Variants in DTNA observed in about 807,000 individuals in gnomAD.
DTNA encodes dystrobrevin alpha, also known as dystrophin-related protein 3.
A neutral mutation model predicts 100.7 loss-of-function variants in DTNA; 43 were observed. That is an observed-to-expected ratio of 0.43 (90% confidence interval 0.33 to 0.55). The LOEUF (loss-of-function observed/expected upper bound fraction) is 0.55. Ranked by LOEUF, DTNA falls within the 20% of genes least tolerant of loss-of-function variation. The probability of loss-of-function intolerance (pLI) is 0.04; values close to 1 mark genes in which losing one functional copy is unlikely to be tolerated. For synonymous variants in DTNA, 349 were observed against 347.9 expected (o/e 1.00, Z -0.04); for missense variants, 798 against 953.9 (o/e 0.84, Z 2.15).
At chr18:34,520,674 T>A (rs1253018433) in intron 1 of DTNA, among the ~76,000 whole-genome samples, 1 of 151,896 alleles carries the variant, frequency 6.6e-6, no homozygotes, top group Admixed American at 6.6e-5. Flanking sequence ...ATAATAATAA[T>A]AAAAAATAAA....
At chr18:34,517,501 G>T (rs1462584403) in intron 1 of DTNA, among the ~76,000 whole-genome samples, 3 of 128,008 alleles carry the variant, frequency 2.3e-5, no homozygotes, top group African/African-American at 8.8e-5. Flanking sequence ...TTAGGTACAT[G>T]CAATGTTATC....
At chr18:34,796,480 G>A (rs967641922) in intron 4 of DTNA, among the ~76,000 whole-genome samples, 28 of 152,172 alleles carry the variant, frequency 1.8e-4, no homozygotes, top group Non-Finnish European at 1.2e-4. Flanking sequence ...TAAGAGAACC[G>A]TCTGTATTTT....
At chr18:34,628,335 A>G (rs1333949866) in intron 1 of DTNA, among the ~76,000 whole-genome samples, 1 of 152,220 alleles carries the variant, frequency 6.6e-6, no homozygotes, top group Non-Finnish European at 1.5e-5. Flanking sequence ...AAGGTTTTCA[A>G]ATTATTTGGT....
intron 1 of DTNA, among the ~76,000 whole-genome samples, chr18:34,524,278 A>T (rs970470856): frequency 6.6e-6 from 1 of 152,198 alleles, no homozygotes; most frequent in Middle Eastern, 3.2e-3. Flanking sequence ...AATTGTAAAA[A>T]TATAAAAGTA....
chr18:34,806,364 C>G, intron 5 of DTNA, 60 bp downstream of exon 5: 1 of 1,407,628 alleles, frequency 7.1e-7, no homozygotes, highest in Non-Finnish European at 1.0e-6. Context: ...ACCCTTTTCT[C>G]TCCCTCATTC....
intron 1 of DTNA, among the ~76,000 whole-genome samples, chr18:34,602,415 G>T (rs1410351239): frequency 6.6e-6 from 1 of 152,156 alleles, no homozygotes; most frequent in Non-Finnish European, 1.5e-5. Flanking sequence ...TTTGCATTAA[G>T]AATGCATAAA....
At chr18:34,740,843 A>G (rs2090519048) in intron 1 of DTNA, among the ~76,000 whole-genome samples, 1 of 151,680 alleles carries the variant, frequency 6.6e-6, no homozygotes, top group Admixed American at 6.6e-5. Flanking sequence ...CAGTAGTGTT[A>G]ATGCTTTTTG....
intron 1 of DTNA, among the ~76,000 whole-genome samples, chr18:34,540,690 A>G (rs1187599106): frequency 6.6e-6 from 1 of 152,110 alleles, no homozygotes; most frequent in Non-Finnish European, 1.5e-5. Flanking sequence ...GTTACCCTTT[A>G]TGACAGTCTA....
chr18:34,666,345 C>A (rs1181773613), intron 1 of DTNA, among the ~76,000 whole-genome samples: 1 of 151,686 alleles, frequency 6.6e-6, no homozygotes, highest in African/African-American at 2.4e-5. Context: ...GAGTAGATTG[C>A]AAAAATTTTC....
intron 1 of DTNA, among the ~76,000 whole-genome samples, chr18:34,589,768 C>A (rs1341437784): frequency 6.6e-6 from 1 of 151,842 alleles, no homozygotes; most frequent in Non-Finnish European, 1.5e-5. Flanking sequence ...CTATATCTTC[C>A]CATTTCTGCC....
intron 1 of DTNA, among the ~76,000 whole-genome samples, chr18:34,703,083 T>C (rs2081604437): frequency 6.6e-6 from 1 of 152,234 alleles, no homozygotes; most frequent in African/African-American, 2.4e-5. Flanking sequence ...ATATGGTTGC[T>C]ACAGGTATAA....
chr18:34,838,681 T>C, intron 12 of DTNA, 64 bp from the exon 13 acceptor site: 1 of 1,403,870 alleles, frequency 7.1e-7, no homozygotes, highest in Admixed American at 1.7e-5. Context: ...CACTCCTACC[T>C]CCTCTACTTA....
intron 1 of DTNA, among the ~76,000 whole-genome samples, chr18:34,689,467 A>G (rs1417518131): frequency 6.6e-6 from 1 of 152,212 alleles, no homozygotes; most frequent in Non-Finnish European, 1.5e-5. Flanking sequence ...GGGTATCACC[A>G]GTGAAGGCTG....
rs375105804 is a variant in DTNA, at chr18:34,766,053, A to G, written c.148+12A>G. The G allele has an allele frequency of 9.3e-6, 15 of 1,613,200 alleles. No individual in the cohort carries two copies. The highest frequency in any genetic ancestry group is 1.3e-5 in the African/African-American group (1 of 74,900). On this transcript the variant is annotated intron_variant, in intron 3 of 22. Coordinates refer to ENST00000444659, the MANE Select transcript of DTNA (RefSeq NM_001386795.1). ...GAAGAAATGCAATTGTAAGTATGCC[A>G]GTTGTTTGGACTAATTACCATCATG...
intron 1 of DTNA, chr18:34,574,619 A>G (rs1340996531): frequency 6.6e-6 from 1 of 152,136 alleles, no homozygotes; most frequent in Non-Finnish European, 1.5e-5. Flanking sequence ...CAACAGAAAT[A>G]CCTGTTTTTA....
intron 4 of DTNA, among the ~76,000 whole-genome samples, chr18:34,799,424 C>T (rs976968282): frequency 6.6e-6 from 1 of 152,106 alleles, no homozygotes; most frequent in Non-Finnish European, 1.5e-5. Context: ...CTACAAAGTA[C>T]ACAACCATTT....
At chr18:34,728,739 C>T (rs766044417) in intron 1 of DTNA, among the ~76,000 whole-genome samples, 4 of 152,166 alleles carry the variant, frequency 2.6e-5, no homozygotes, top group African/African-American at 9.7e-5. Flanking sequence ...TACTCAAACA[C>T]AAAACCAAAC....
intron 1 of DTNA, among the ~76,000 whole-genome samples, chr18:34,678,147 C>G (rs2077618643): frequency 6.6e-6 from 1 of 152,102 alleles, no homozygotes; most frequent in African/African-American, 2.4e-5. Flanking sequence ...CTATTGGGCC[C>G]CTCCTGTGAT....
At chr18:34,713,618 T>C (rs1330741279) in intron 1 of DTNA, among the ~76,000 whole-genome samples, 3 of 151,752 alleles carry the variant, frequency 2.0e-5, no homozygotes, top group African/African-American at 7.3e-5. Flanking sequence ...CGATGCGGGC[T>C]CTTTTTTGGT....
Sources: gnomAD v4.1 joint callset for allele counts (sites outside exome capture counted in the v4.1 genomes callset) on GRCh38, gnomAD v4.1.1 for gene constraint, MANE v1.5 for transcripts, NCBI Gene and HGNC (gene_info 2026-07-23, HGNC 2026-07-21) for gene names.